Variants in RAPGEF1 observed in about 807,000 individuals in gnomAD.
RAPGEF1 encodes the protein Rap guanine nucleotide exchange factor 1, also known as CRK SH3-binding GNRP.
RAPGEF1 carries 33 observed loss-of-function variants against 143.3 expected under a neutral mutation model. That is an observed-to-expected ratio of 0.23 (90% confidence interval 0.17 to 0.31). RAPGEF1 has a LOEUF of 0.31. RAPGEF1 is among the 10% of genes least tolerant of loss of function. The pLI, the probability that RAPGEF1 is intolerant of heterozygous loss-of-function variation, is 1.00. For missense variants in RAPGEF1, 1,199 were observed against 1,645.4 expected, an observed-to-expected ratio of 0.73 and a Z score of 4.69; for synonymous variants, 629 against 676.5, an observed-to-expected ratio of 0.93 and a Z score of 1.09.
chr9:131,613,091 G>C (rs1468290365), intron 12 of RAPGEF1, among the ~76,000 whole-genome samples: 1 of 152,224 alleles, frequency 6.6e-6, no homozygotes, highest in Non-Finnish European at 1.5e-5. Flanking sequence ...GATGCTAATA[G>C]CTCCCTTTCC....
At chr9:131,623,116 C>T (rs1019261038) in intron 10 of RAPGEF1, among the ~76,000 whole-genome samples, 6 of 152,030 alleles carry the variant, frequency 3.9e-5, no homozygotes, top group East Asian at 1.9e-4. Flanking sequence ...AGGCTCCAGA[C>T]GAAGAGGCAA....
intron 3 of RAPGEF1, among the ~76,000 whole-genome samples, chr9:131,646,992 A>C (rs1158734409): frequency 6.6e-6 from 1 of 152,188 alleles, no homozygotes; most frequent in African/African-American, 2.4e-5. Flanking sequence ...ACTCGGATCC[A>C]ATCTCTGTCC....
chr9:131,588,934 G>A lies in RAPGEF1; in HGVS notation c.2920C>T (p.Arg974Cys), dbSNP rs867363663. ...ILKLLMELVF[R>C]LVCNGELSLA... Reference sequence around the variant, plus strand: ...CTCAGCTCCCCATTGCACACCAGGCGGAAGACCAGTTCCATCAGCAGCTTC... The same window carrying A: ...CTCAGCTCCCCATTGCACACCAGGCAGAAGACCAGTTCCATCAGCAGCTTC... Residue 974 changes from arginine (R) to cysteine (C), a missense_variant, in exon 20 of 27, where the codon CGC becomes TGC. Around this residue, in one of 6 missense-constraint regions of RAPGEF1, gnomAD observed 209 missense variants for 403.0 expected, o/e 0.52. Transcript: ENST00000683357. 1.9e-6 allele frequency: 3 copies of A among 1,613,926 alleles called. No homozygotes were observed. The highest frequency in any genetic ancestry group is 2.5e-6 in the Non-Finnish European group (3 of 1,179,852).
At chr9:131,627,323 T>C (rs1588569649) in intron 9 of RAPGEF1, among the ~76,000 whole-genome samples, 1 of 152,046 alleles carries the variant, frequency 6.6e-6, no homozygotes, top group African/African-American at 2.4e-5. Flanking sequence ...CTACAGATTA[T>C]TCCAGCAAAT....
chr9:131,691,670 A>G (rs758720726), intron 1 of RAPGEF1, among the ~76,000 whole-genome samples: 22 of 152,212 alleles, frequency 1.4e-4, no homozygotes, highest in Non-Finnish European at 2.6e-4. Context: ...GAGGTCTCTA[A>G]TAACTTTAAG....
intron 1 of RAPGEF1, among the ~76,000 whole-genome samples, chr9:131,721,044 C>G (rs533609400): frequency 1.3e-5 from 2 of 152,068 alleles, no homozygotes; most frequent in Admixed American, 1.3e-4. Flanking sequence ...TGGAACATGC[C>G]AAGTAGCAGA....
chr9:131,725,902 G>A (rs2131306906), intron 1 of RAPGEF1, among the ~76,000 whole-genome samples: 1 of 152,024 alleles, frequency 6.6e-6, no homozygotes, highest in East Asian at 1.9e-4. Context: ...GGGACTACAG[G>A]CGCGTGCCAC....
At chr9:131,721,611 C>G (rs533907016) in intron 1 of RAPGEF1, among the ~76,000 whole-genome samples, 1 of 152,186 alleles carries the variant, frequency 6.6e-6, no homozygotes, top group Non-Finnish European at 1.5e-5. Flanking sequence ...GAAGACGGGT[C>G]AGTGGCTTAT....
intron 1 of RAPGEF1, among the ~76,000 whole-genome samples, chr9:131,681,687 C>T (rs545333723): frequency 5.3e-5 from 8 of 152,304 alleles, no homozygotes; most frequent in East Asian, 1.9e-4. Flanking sequence ...AATATAACTG[C>T]GCACCAGCTT....
intron 1 of RAPGEF1, among the ~76,000 whole-genome samples, chr9:131,713,767 C>T (rs1385352076): frequency 6.6e-6 from 1 of 151,988 alleles, no homozygotes; most frequent in Non-Finnish European, 1.5e-5. Flanking sequence ...CCAGTCTGGG[C>T]CACAGAGCGA....
At position 131,592,087 on chromosome 9, in the gene RAPGEF1, A is replaced by G; in HGVS notation, c.2774+12T>C. 6.3e-7 allele frequency: 1 copy of G among 1,595,794 alleles called. No homozygotes were observed. Among genetic ancestry groups the G allele is most frequent in the South Asian group, 1.1e-5 (1 of 90,678 alleles). The stretch of plus-strand genomic sequence containing the variant: ...ATGGTGCAGGGGCCCTGGGTCAGGA[A>G]GGAAAGGATATCTGTACTGCAGCTT... On this transcript the variant is annotated intron_variant, in intron 18 of 26. Coordinates refer to ENST00000683357, the MANE Select transcript of RAPGEF1 (RefSeq NM_001377935.1).
In RAPGEF1 at chr9:131,638,688, CCTT is replaced by C; in HGVS notation, c.595_597del (p.Lys199del). ...ACCCCCTTCACAGTCGTCACCATCT[CCTT>C]GTCTTCTGAGTTCACGCCTTCCAGC... On this transcript the variant is annotated inframe_deletion, in exon 5 of 27. Coordinates refer to ENST00000683357, the MANE Select transcript of RAPGEF1 (RefSeq NM_001377935.1). 6.2e-7 allele frequency: 1 copy of C among 1,614,056 alleles called. No homozygotes were observed. The highest frequency in any genetic ancestry group is 8.5e-7 in the Non-Finnish European group (1 of 1,179,900).
intron 17 of RAPGEF1, among the ~76,000 whole-genome samples, chr9:131,595,197 C>G (rs1051531023): frequency 1.3e-5 from 2 of 152,252 alleles, no homozygotes; most frequent in Admixed American, 6.5e-5. Context: ...CATGGCACAG[C>G]TGGGGCTAGG....
chr9:131,648,364 C>T (rs1274384806), intron 3 of RAPGEF1, among the ~76,000 whole-genome samples: 1 of 152,138 alleles, frequency 6.6e-6, no homozygotes, highest in African/African-American at 2.4e-5. Flanking sequence ...GCACTCCAGC[C>T]TGGGCGACAG....
At chr9:131,592,041 C>T in intron 18 of RAPGEF1, 58 bp downstream of exon 18, 1 of 1,349,656 alleles carries the variant, frequency 7.4e-7, no homozygotes. Context: ...GCAAGAGGGT[C>T]CCTCTCTCTC....
At chr9:131,714,449 G>A (rs1375315647) in intron 1 of RAPGEF1, among the ~76,000 whole-genome samples, 1 of 151,802 alleles carries the variant, frequency 6.6e-6, no homozygotes, top group East Asian at 1.9e-4. Context: ...GCGGGTACCC[G>A]GTAGCTCACA....
intron 17 of RAPGEF1, among the ~76,000 whole-genome samples, chr9:131,594,819 C>T (rs1405685531): frequency 6.6e-6 from 1 of 152,352 alleles, no homozygotes; most frequent in East Asian, 1.9e-4. Context: ...CCCCTCCAGC[C>T]TTGGCCACAG....
Position 131,626,092 on chromosome 9 carries a change from T to G in RAPGEF1, c.1532A>C (p.Gln511Pro). The G allele has an allele frequency of 6.2e-7, 1 of 1,613,954 alleles. No individual in the cohort carries two copies. The highest frequency in any genetic ancestry group is 8.5e-7 in the Non-Finnish European group (1 of 1,179,866). Reference protein sequence around the residue: ...QYDNISGEDLQSTAPIPSVPY... With the variant: ...QYDNISGEDLPSTAPIPSVPY... ...GACGGATGGGATCGGGGCTGTGCTC[T>G]GCAGGTCCTCCCCAGAGATGTTGTC... The change falls in exon 10 of 27, where the codon CAG becomes CCG. Residue 511 changes from glutamine (Q) to proline (P), a missense_variant. Gln to Pro is a moderately conservative substitution (Grantham distance 76). Around this residue, in one of 6 missense-constraint regions of RAPGEF1, gnomAD observed 613 missense variants for 710.9 expected, o/e 0.86. Coordinates refer to ENST00000683357, the MANE Select transcript of RAPGEF1 (RefSeq NM_001377935.1).
chr9:131,711,074 A>G (rs1218513644), intron 1 of RAPGEF1, among the ~76,000 whole-genome samples: 3 of 150,194 alleles, frequency 2.0e-5, no homozygotes, highest in African/African-American at 7.4e-5. Context: ...TTTTGGAGTC[A>G]GGGTCTTGCT....
Sources: allele counts gnomAD v4.1 joint callset (sites outside exome capture counted in the v4.1 genomes callset), GRCh38; gene constraint gnomAD v4.1.1; regional missense constraint gnomAD v4.1.1; transcripts MANE v1.5; gene names NCBI Gene and HGNC (gene_info 2026-07-23, HGNC 2026-07-21).